DPP6: variants seen among roughly 807,000 people sequenced by gnomAD.
DPP6 encodes A-type potassium channel modulatory protein DPP6.
DPP6 carries 69 observed loss-of-function variants against 122.6 expected under a neutral mutation model. That is an observed-to-expected ratio of 0.56 (90% CI 0.46 to 0.69). The LOEUF (loss-of-function observed/expected upper bound fraction) is 0.69, where lower values mean the gene tolerates loss of function less well. Among genes scored for constraint, DPP6 ranks in the 30% least tolerant of loss-of-function variants. DPP6 has a pLI of 0.00. For missense variants in DPP6, 928 were observed against 1,116.9 expected (o/e 0.83, Z 2.41); for synonymous variants, 418 against 433.1 (o/e 0.97, Z 0.43).
the DPP6 span, among the ~76,000 whole-genome samples, chr7:153,786,485 A>C: frequency 6.6e-6 from 1 of 151,702 alleles, no homozygotes; most frequent in Non-Finnish European, 1.5e-5. Context: ...CACGCCTGTA[A>C]TCCCAGCACT....
chr7:154,575,041 G>GTA (rs1831457006), intron 5 of DPP6, among the ~76,000 whole-genome samples: 1 of 133,594 alleles, frequency 7.5e-6, no homozygotes, highest in Non-Finnish European at 1.6e-5. Context: ...TGGTGTGTGT[G>GTA]GTGTGGTGTG....
chr7:153,875,924 CAAA>C, the DPP6 span, among the ~76,000 whole-genome samples: 1 of 126,970 alleles, frequency 7.9e-6, no homozygotes, highest in Non-Finnish European at 1.6e-5. Flanking sequence ...ATATGAGGAC[CAAA>C]AAAAAAAAAA....
chr7:154,675,222 G>T (rs1390429893), intron 7 of DPP6, among the ~76,000 whole-genome samples: 1 of 152,180 alleles, frequency 6.6e-6, no homozygotes, highest in Non-Finnish European at 1.5e-5. Context: ...CGGGGGGCTA[G>T]GGGAGGGATA....
chr7:154,204,939 C>G (rs1799361374), intron 1 of DPP6, among the ~76,000 whole-genome samples: 1 of 152,170 alleles, frequency 6.6e-6, no homozygotes, highest in South Asian at 2.1e-4. Flanking sequence ...CTTTCCTGCA[C>G]TGAACTCCAT....
chr7:153,973,007 CT>C (rs1796099703), intron 1 of DPP6, among the ~76,000 whole-genome samples: 2 of 151,522 alleles, frequency 1.3e-5, no homozygotes, highest in Admixed American at 1.3e-4. Context: ...GTAACGGTGC[CT>C]TTAGAAATTA....
At chr7:153,836,219 A>G in the DPP6 span, among the ~76,000 whole-genome samples, 1 of 152,172 alleles carries the variant, frequency 6.6e-6, no homozygotes, top group South Asian at 2.1e-4. Context: ...AAATCAACAA[A>G]TCAAACCCTT....
At chr7:153,802,920 A>G in the DPP6 span, among the ~76,000 whole-genome samples, 251 of 152,170 alleles carry the variant, frequency 1.6e-3, 1 homozygote, top group African/African-American at 5.6e-3. Context: ...ATCACTGCAC[A>G]GCCTTGGAAC....
rs770748856 is a variant in DPP6, at chr7:154,604,467, G to T, written c.628-33354G>T. 2.5e-5 allele frequency among the ~76,000 whole-genome samples: 3 copies of T among 120,228 alleles called. 1 individual carries two copies. Among genetic ancestry groups the T allele is most frequent in the Non-Finnish European group, 5.6e-5 (3 of 53,374 alleles). 78.9% of individuals were successfully genotyped at this position (120,228 alleles called of 152,430 possible). ...ATTTTATTAAAAATCCTATTGAAAT[G>T]ATATTGAATTGAGATACTAAGTTGG... On this transcript the variant is annotated intron_variant, in intron 5 of 25. Transcript: ENST00000377770.
intron 1 of DPP6, among the ~76,000 whole-genome samples, chr7:153,960,718 C>CAT (rs111803135): frequency 6.8e-6 from 1 of 147,246 alleles, no homozygotes; most frequent in African/African-American, 2.5e-5. Context: ...TGTGTGCATG[C>CAT]GTGTGTGTGT....
At chr7:154,856,276 G>A (rs895398367) in intron 17 of DPP6, among the ~76,000 whole-genome samples, 5 of 152,132 alleles carry the variant, frequency 3.3e-5, no homozygotes, top group Non-Finnish European at 7.3e-5. Flanking sequence ...GGTTAATATA[G>A]TCCCTACTTT....
At chr7:154,061,967 T>C (rs2129073508) in intron 1 of DPP6, among the ~76,000 whole-genome samples, 1 of 123,410 alleles carries the variant, frequency 8.1e-6, no homozygotes. Context: ...GGGTGGGGAC[T>C]GAGAGCTATC....
the DPP6 span, among the ~76,000 whole-genome samples, chr7:153,839,979 G>A: frequency 6.6e-6 from 1 of 152,184 alleles, no homozygotes; most frequent in Non-Finnish European, 1.5e-5. Context: ...CCCAAATGCT[G>A]GAGATGTGTG....
At chr7:154,818,733 G>T (rs1046581250) in intron 16 of DPP6, among the ~76,000 whole-genome samples, 2 of 152,280 alleles carry the variant, frequency 1.3e-5, no homozygotes, top group East Asian at 1.9e-4. Flanking sequence ...GTTTAGAACC[G>T]GTTTGAAGCT....
intron 7 of DPP6, among the ~76,000 whole-genome samples, chr7:154,718,059 A>T (rs1162144133): frequency 6.6e-6 from 1 of 152,124 alleles, no homozygotes; most frequent in East Asian, 1.9e-4. Flanking sequence ...TCTTTTGGAA[A>T]ATGTCTATTC....
Position 153,947,448 on chromosome 7 carries a change from C to G in DPP6, c.51+59714C>G, listed in dbSNP as rs766313448. ...GAGTAAAAATAAAATTTACCTCTATCTTCTTAAGTTCTCTAGCCAGGCCCT... is the reference window on the plus strand; with the variant it reads ...GAGTAAAAATAAAATTTACCTCTATGTTCTTAAGTTCTCTAGCCAGGCCCT... On this transcript the variant is annotated intron_variant, in intron 1 of 25. Transcript: ENST00000404039. Among the ~76,000 whole-genome samples, 5 of 152,252 alleles carry G rather than the reference C, an allele frequency of 3.3e-5. No individual in the cohort carries two copies. In the East Asian group the frequency reaches 9.7e-4, roughly 29 times the overall value.
At chr7:153,976,699 C>T (rs1383373463) in intron 1 of DPP6, among the ~76,000 whole-genome samples, 4 of 152,214 alleles carry the variant, frequency 2.6e-5, no homozygotes, top group African/African-American at 9.6e-5. Context: ...AAAAGCTCAC[C>T]TGCCTGGAAG....
At chr7:154,561,419 A>G (rs781054404) in intron 4 of DPP6, among the ~76,000 whole-genome samples, 9 of 152,278 alleles carry the variant, frequency 5.9e-5, no homozygotes, top group Non-Finnish European at 1.0e-4. Flanking sequence ...ACAGAAACAA[A>G]CTAGAAATCA....
At chr7:154,106,390 C>T (rs1806163227) in intron 1 of DPP6, among the ~76,000 whole-genome samples, 1 of 118,042 alleles carries the variant, frequency 8.5e-6, no homozygotes, top group Non-Finnish European at 1.7e-5. Flanking sequence ...TGATGGTAGA[C>T]ATGGAGTGTG....
chr7:153,986,743 T>A (rs1228168310), intron 1 of DPP6, among the ~76,000 whole-genome samples: 1 of 152,206 alleles, frequency 6.6e-6, no homozygotes, highest in Non-Finnish European at 1.5e-5. Context: ...ATTACATGTA[T>A]AATTTAAATT....
Sources: gnomAD v4.1 joint callset for allele counts (sites outside exome capture counted in the v4.1 genomes callset) on GRCh38, gnomAD v4.1.1 for gene constraint, MANE v1.5 for transcripts, NCBI Gene and HGNC (gene_info 2026-07-23, HGNC 2026-07-21) for gene names.